ADK: variants seen among roughly 807,000 people sequenced by gnomAD.
ADK encodes the protein adenosine kinase.
Under a neutral mutation model 44.7 loss-of-function variants are expected in ADK, and 24 were observed. The ratio of observed to expected loss-of-function variants is 0.54; its 90% CI spans 0.39 to 0.76. ADK has a LOEUF of 0.76. Among genes scored for constraint, ADK ranks in the 30% least tolerant of loss-of-function variants. The pLI, the probability that ADK is intolerant of heterozygous loss-of-function variation, is 0.00. For synonymous variants in ADK, 128 were observed against 142.6 expected, an observed-to-expected ratio of 0.90 and a Z score of 0.73; for missense variants, 321 against 425.1, an observed-to-expected ratio of 0.76 and a Z score of 2.15.
chr10:74,369,952 A>G (rs1299294655), intron 4 of ADK, among the ~76,000 whole-genome samples: 1 of 152,250 alleles, frequency 6.6e-6, no homozygotes, highest in Non-Finnish European at 1.5e-5. Context: ...ATATAAGATC[A>G]GTATTTAAAA....
At chr10:74,232,548 A>AC (rs771970272) in intron 3 of ADK, among the ~76,000 whole-genome samples, 1,098 of 64,388 alleles carry the variant, frequency 0.017, 28 homozygotes, top group East Asian at 0.036. Context: ...ACCCCCCCGC[A>AC]CCCCCCCCCC....
chr10:74,702,954 G>A (rs547751013), intron 10 of ADK, among the ~76,000 whole-genome samples: 1 of 152,134 alleles, frequency 6.6e-6, no homozygotes, highest in South Asian at 2.1e-4. Context: ...GGAAAAAATA[G>A]GTACTATACA....
intron 4 of ADK, among the ~76,000 whole-genome samples, chr10:74,360,343 A>T (rs959652375): frequency 6.6e-6 from 1 of 152,174 alleles, no homozygotes; most frequent in African/African-American, 2.4e-5. Context: ...CCATGTCCTG[A>T]TGAAAAGAAT....
At chr10:74,527,661 A>G in intron 7 of ADK, 1 of 972,084 alleles carries the variant, frequency 1.0e-6, no homozygotes, top group Non-Finnish European at 1.7e-6. Flanking sequence ...TGGCATCTTC[A>G]GCCTACCAAA....
intron 9 of ADK, among the ~76,000 whole-genome samples, chr10:74,638,772 T>A (rs1446341847): frequency 1.3e-5 from 2 of 152,214 alleles, no homozygotes; most frequent in Non-Finnish European, 2.9e-5. Flanking sequence ...TGGTTGAGAC[T>A]AATATGAGCT....
intron 4 of ADK, among the ~76,000 whole-genome samples, chr10:74,338,517 G>C (rs1197801838): frequency 6.6e-6 from 1 of 152,120 alleles, no homozygotes; most frequent in African/African-American, 2.4e-5. Flanking sequence ...AAAGAATCCA[G>C]ATAACTTTCA....
Position 74,656,132 on chromosome 10 carries a change from G to A in ADK, c.878-14051G>A, listed in dbSNP as rs566606753. On this transcript the variant is annotated intron_variant, in intron 9 of 10. Coordinates refer to ENST00000539909, the MANE Select transcript of ADK (RefSeq NM_006721.4). ...AATCCCTCTTGGATCACAAACACTGGTAAAATGATCAGATGGAGGAGGATG... is the reference window on the plus strand; with the variant it reads ...AATCCCTCTTGGATCACAAACACTGATAAAATGATCAGATGGAGGAGGATG... The A allele has an allele frequency of 3.3e-5, 11 of 338,118 alleles. No individual in the cohort carries two copies. The East Asian group carries it at 7.0e-4, about 21-fold the overall frequency. The allele number at this position is 338,118 out of a possible 1,614,324, so 20.9% of individuals were successfully genotyped here.
chr10:74,274,995 A>G (rs1030148153), intron 3 of ADK, among the ~76,000 whole-genome samples: 3 of 151,648 alleles, frequency 2.0e-5, no homozygotes, highest in African/African-American at 7.3e-5. Context: ...GAGAATGTAG[A>G]CAGTTCTTTT....
Position 74,412,504 on chromosome 10 carries a change from G to C in ADK, c.555+13925G>C, listed in dbSNP as rs184463419. Among the ~76,000 whole-genome samples the C allele has an allele frequency of 1.3e-3, 197 of 152,194 alleles. 1 individual carries two copies. The highest frequency in any genetic ancestry group is 4.5e-3 in the African/African-American group (186 of 41,520). Reference sequence around the variant, plus strand: ...TTTCAGGAGGTTTTCAATTTACTCTGCCCAAACCCATCAGATGAGTCACTA... The same window carrying C: ...TTTCAGGAGGTTTTCAATTTACTCTCCCCAAACCCATCAGATGAGTCACTA... On this transcript the variant is annotated intron_variant, in intron 6 of 10. Coordinates refer to ENST00000539909, the MANE Select transcript of ADK (RefSeq NM_006721.4).
rs200462579 is a variant in ADK, at chr10:74,321,238, AT to A, written c.273+6501del. On this transcript the variant is annotated intron_variant, in intron 4 of 10. Coordinates refer to ENST00000539909, the MANE Select transcript of ADK (RefSeq NM_006721.4). ...ATATAAGCAGGTAATCATTTGAATC[AT>A]TTTTTTTCCTGTAATTATTATAACA... 5.3e-3 allele frequency among the ~76,000 whole-genome samples: 800 copies of A among 151,554 alleles called. 12 individuals are homozygous for A. Among genetic ancestry groups the A allele is most frequent in the African/African-American group, 0.018 (723 of 41,280 alleles).
chr10:74,461,657 G>A (rs1024578085), intron 6 of ADK, among the ~76,000 whole-genome samples: 3 of 152,020 alleles, frequency 2.0e-5, no homozygotes, highest in African/African-American at 7.2e-5. Flanking sequence ...CTCTCCTACT[G>A]TTTCACCTAC....
intron 1 of ADK, among the ~76,000 whole-genome samples, chr10:74,176,188 A>T (rs962425493): frequency 3.3e-5 from 5 of 152,194 alleles, no homozygotes; most frequent in Non-Finnish European, 7.4e-5. Flanking sequence ...AGCTGCTCTA[A>T]GTGTTTCTGA....
At chr10:74,512,755 TTTTG>T (rs1236604978) in intron 6 of ADK, among the ~76,000 whole-genome samples, 82 of 152,064 alleles carry the variant, frequency 5.4e-4, no homozygotes, top group African/African-American at 2.0e-3. Flanking sequence ...TTTGTCTTAT[TTTTG>T]TTTATTTCTA....
intron 3 of ADK, among the ~76,000 whole-genome samples, chr10:74,304,280 T>C (rs1446390846): frequency 2.0e-5 from 3 of 152,160 alleles, no homozygotes; most frequent in African/African-American, 4.8e-5. Context: ...TTGAAAATTT[T>C]CTGCAAAATC....
chr10:74,541,794 ACCC>A lies in ADK; in HGVS notation c.726+16377_726+16379del, dbSNP rs543189156. Among the ~76,000 whole-genome samples the A allele has an allele frequency of 4.2e-3, 268 of 63,806 alleles. 10 individuals are homozygous for A. Among genetic ancestry groups the A allele is most frequent in the African/African-American group, 0.016 (260 of 16,156 alleles). The allele number at this position is 63,806 out of a possible 152,430, so 41.9% of individuals were successfully genotyped here. A position where few individuals can be genotyped will look rare whatever the true frequency, so the allele number is the denominator to read the frequency against. On this transcript the variant is annotated intron_variant, in intron 7 of 10. Coordinates refer to ENST00000539909, the MANE Select transcript of ADK (RefSeq NM_006721.4). ...GGTTACAGAACGAGAACCCCCACAC[ACCC>A]CCCCCCCCTAAAAAAAAACAACACA...
intron 9 of ADK, among the ~76,000 whole-genome samples, chr10:74,632,172 T>C (rs1853456536): frequency 6.6e-6 from 1 of 152,218 alleles, no homozygotes; most frequent in African/African-American, 2.4e-5. Flanking sequence ...TGCATTTGCC[T>C]TTTCTGGAAA....
chr10:74,631,750 T>A (rs1449168658), intron 9 of ADK, among the ~76,000 whole-genome samples: 1 of 152,054 alleles, frequency 6.6e-6, no homozygotes, highest in Non-Finnish European at 1.5e-5. Context: ...TAATTTTAAT[T>A]AAGTTTTTTA....
At chr10:74,490,386 G>T (rs1169447379) in intron 6 of ADK, among the ~76,000 whole-genome samples, 1 of 152,002 alleles carries the variant, frequency 6.6e-6, no homozygotes, top group Admixed American at 6.6e-5. Flanking sequence ...TATTGCCAAG[G>T]ATTTACCAAC....
At chr10:74,566,981 C>A (rs1323400440) in intron 7 of ADK, among the ~76,000 whole-genome samples, 1 of 152,108 alleles carries the variant, frequency 6.6e-6, no homozygotes, top group Admixed American at 6.5e-5. Context: ...TTTTTATGGT[C>A]ATTGAATTTT....
Sources: gnomAD v4.1 joint callset for allele counts (sites outside exome capture counted in the v4.1 genomes callset) on GRCh38, gnomAD v4.1.1 for gene constraint, MANE v1.5 for transcripts, NCBI Gene and HGNC (gene_info 2026-07-23, HGNC 2026-07-21) for gene names.